The following LRRTM4 variants were observed in gnomAD, a reference collection of about 807,000 sequenced individuals.
LRRTM4 encodes the protein leucine-rich repeat transmembrane neuronal protein 4.
A neutral mutation model predicts 47.6 loss-of-function variants in LRRTM4; 25 were observed. That is an observed-to-expected ratio of 0.53 (90% confidence interval 0.38 to 0.73). LRRTM4 has a LOEUF of 0.73. Among genes scored for constraint, LRRTM4 ranks in the 30% least tolerant of loss-of-function variants. The pLI, the probability that LRRTM4 is intolerant of heterozygous loss-of-function variation, is 0.00. For synonymous variants in LRRTM4, 311 were observed against 269.5 expected, an observed-to-expected ratio of 1.15 and a Z score of -1.51; for missense variants, 638 against 713.4, an observed-to-expected ratio of 0.89 and a Z score of 1.20.
intron 3 of LRRTM4, among the ~76,000 whole-genome samples, chr2:77,445,321 T>C (rs1345812138): frequency 1.3e-5 from 2 of 151,948 alleles, no homozygotes; most frequent in African/African-American, 4.8e-5. Context: ...TAGAAGATTG[T>C]TTGATATCTA....
intron 3 of LRRTM4, among the ~76,000 whole-genome samples, chr2:77,044,440 G>T (rs1396102555): frequency 6.6e-6 from 1 of 151,696 alleles, no homozygotes; most frequent in Non-Finnish European, 1.5e-5. Flanking sequence ...TCTGAAAAGA[G>T]AGATATACTA....
At chr2:77,242,743 T>G (rs1675305278) in intron 3 of LRRTM4, among the ~76,000 whole-genome samples, 1 of 152,060 alleles carries the variant, frequency 6.6e-6, no homozygotes, top group Non-Finnish European at 1.5e-5. Flanking sequence ...TGAGGATGTG[T>G]GGAGAAATTA....
chr2:77,074,910 T>C (rs541505415), intron 3 of LRRTM4, among the ~76,000 whole-genome samples: 20 of 122,076 alleles, frequency 1.6e-4, no homozygotes, highest in African/African-American at 5.3e-4. Flanking sequence ...GACTTAAGTT[T>C]CACTTTTTTT....
chr2:76,972,795 A>C (rs1444693854), intron 3 of LRRTM4, among the ~76,000 whole-genome samples: 1 of 151,970 alleles, frequency 6.6e-6, no homozygotes, highest in Non-Finnish European at 1.5e-5. Flanking sequence ...TGTTGTCCCT[A>C]AACTCATGGC....
At chr2:77,267,580 T>A (rs1401393029) in intron 3 of LRRTM4, among the ~76,000 whole-genome samples, 1 of 152,164 alleles carries the variant, frequency 6.6e-6, no homozygotes, top group Non-Finnish European at 1.5e-5. Flanking sequence ...TCAAAACTAC[T>A]GTATTCGGGA....
chr2:77,103,157 G>A (rs913662673), intron 3 of LRRTM4, among the ~76,000 whole-genome samples: 1 of 152,134 alleles, frequency 6.6e-6, no homozygotes, highest in Non-Finnish European at 1.5e-5. Flanking sequence ...TCATTTGGGG[G>A]CAGAGACAGC....
intron 3 of LRRTM4, among the ~76,000 whole-genome samples, chr2:77,320,877 T>C (rs964619773): frequency 6.6e-6 from 1 of 152,088 alleles, no homozygotes; most frequent in Non-Finnish European, 1.5e-5. Flanking sequence ...TTAAATAAAT[T>C]ATTAAGCTTT....
At chr2:77,029,082 A>G (rs34287182) in intron 3 of LRRTM4, among the ~76,000 whole-genome samples, 32,837 of 144,644 alleles carry the variant, frequency 0.23, 4,188 homozygotes, top group East Asian at 0.41. Flanking sequence ...ATATATATAT[A>G]TTATATATAT....
Position 77,367,747 on chromosome 2 carries a change from T to C in LRRTM4, c.1551+150571A>G, listed in dbSNP as rs79322857. The stretch of plus-strand genomic sequence containing the variant: ...AGACGGTAGGTAGGTCAATTTGCTT[T>C]GTGGCCTTCAAGGTCTGGATTGAGA... On this transcript the variant is annotated intron_variant, in intron 3 of 3. Transcript: ENST00000409884. 9.8e-3 allele frequency among the ~76,000 whole-genome samples: 1,489 copies of C among 151,944 alleles called. 12 individuals carry two copies. The highest frequency in any genetic ancestry group is 0.016 in the Non-Finnish European group (1,070 of 67,840).
intron 3 of LRRTM4, among the ~76,000 whole-genome samples, chr2:77,030,382 G>A (rs1284090316): frequency 6.6e-6 from 1 of 152,154 alleles, no homozygotes; most frequent in Non-Finnish European, 1.5e-5. Context: ...GCAATGAGCT[G>A]AGATCATGCC....
At chr2:77,431,639 G>C (rs1432150192) in intron 3 of LRRTM4, among the ~76,000 whole-genome samples, 4 of 149,170 alleles carry the variant, frequency 2.7e-5, no homozygotes, top group Admixed American at 2.6e-4. Context: ...ATGACAATCA[G>C]GGTGTGATTT....
At chr2:77,218,967 T>C (rs1464114934) in intron 3 of LRRTM4, among the ~76,000 whole-genome samples, 2 of 152,220 alleles carry the variant, frequency 1.3e-5, no homozygotes, top group Non-Finnish European at 2.9e-5. Flanking sequence ...AAATATGTCA[T>C]GATACGTGCT....
chr2:77,480,785 A>AGTGTGT (rs150441689), intron 3 of LRRTM4, among the ~76,000 whole-genome samples: 2 of 102,224 alleles, frequency 2.0e-5, no homozygotes, highest in African/African-American at 4.3e-5. Context: ...CTGTTTTAGG[A>AGTGTGT]GTGTGTGTGT....
intron 3 of LRRTM4, among the ~76,000 whole-genome samples, chr2:76,922,971 C>G (rs1160224368): frequency 6.6e-6 from 1 of 151,914 alleles, no homozygotes; most frequent in Non-Finnish European, 1.5e-5. Context: ...TTACTTGGTA[C>G]TATTAATTTA....
intron 3 of LRRTM4, among the ~76,000 whole-genome samples, chr2:76,846,370 T>G (rs1413697561): frequency 6.6e-6 from 1 of 152,120 alleles, no homozygotes; most frequent in African/African-American, 2.4e-5. Flanking sequence ...CAAACTTCAC[T>G]TAGGATAATT....
At chr2:77,337,780 A>G (rs1227222020) in intron 3 of LRRTM4, among the ~76,000 whole-genome samples, 1 of 152,156 alleles carries the variant, frequency 6.6e-6, no homozygotes, top group African/African-American at 2.4e-5. Context: ...GAACTAATGC[A>G]GAGCCTGAAT....
At chr2:76,831,935 T>C (rs1459788893) in intron 3 of LRRTM4, among the ~76,000 whole-genome samples, 1 of 152,096 alleles carries the variant, frequency 6.6e-6, no homozygotes, top group East Asian at 1.9e-4. Flanking sequence ...TGTTAAATAA[T>C]GTGATAATTG....
chr2:76,878,583 G>C (rs77410070), intron 3 of LRRTM4, among the ~76,000 whole-genome samples: 4 of 152,106 alleles, frequency 2.6e-5, no homozygotes, highest in Admixed American at 2.0e-4. Context: ...AGTGAAACTT[G>C]CCAGGCGCAG....
rs1355223711 is a variant in LRRTM4, at chr2:77,154,645, T to C, written c.1551+363673A>G. On this transcript the variant is annotated intron_variant, in intron 3 of 3. Transcript: ENST00000409884. ...AATTTACGCTGAGATGATAGGTACA[T>C]TTACAAAGGTAATTTACATTTATAC... Among the ~76,000 whole-genome samples the C allele has an allele frequency of 2.0e-5, 3 of 152,132 alleles. No homozygotes were observed. The East Asian group carries it at 5.8e-4, about 29-fold the overall frequency.
Sources: gnomAD v4.1 joint callset for allele counts (sites outside exome capture counted in the v4.1 genomes callset) on GRCh38, gnomAD v4.1.1 for gene constraint, MANE v1.5 for transcripts, NCBI Gene and HGNC (gene_info 2026-07-23, HGNC 2026-07-21) for gene names.